PLEKHA5: variants seen among roughly 807,000 people sequenced by gnomAD.
The protein encoded by PLEKHA5 is pleckstrin homology domain-containing family A member 5.
PLEKHA5 carries 55 observed loss-of-function variants against 181.9 expected under a neutral mutation model. The ratio of observed to expected loss-of-function variants is 0.30; its 90% confidence interval spans 0.24 to 0.38. The LOEUF (loss-of-function observed/expected upper bound fraction) is 0.38. Among genes scored for constraint, PLEKHA5 ranks in the 10% least tolerant of loss-of-function variants. The pLI is 1.00. For synonymous variants in PLEKHA5, 535 were observed against 529.4 expected, an observed-to-expected ratio of 1.01 and a Z score of -0.15; for missense variants, 1,432 against 1,549.5, an observed-to-expected ratio of 0.92 and a Z score of 1.27.
chr12:19,276,053 C>A (rs1592288668), intron 11 of PLEKHA5, among the ~76,000 whole-genome samples: 1 of 152,242 alleles, frequency 6.6e-6, no homozygotes, highest in Admixed American at 6.5e-5. Flanking sequence ...TCTAGGAAAA[C>A]CTTTGTAGAG....
chr12:19,261,070 ATATAAGTT>A (rs747561648), intron 7 of PLEKHA5, 49 bp downstream of exon 7: 7 of 990,538 alleles, frequency 7.1e-6, no homozygotes, highest in Non-Finnish European at 1.1e-5. Context: ...TTGATATGTA[ATATAAGTT>A]AAGTATCAGA....
chr12:19,348,627 C>A, intron 25 of PLEKHA5, 108 bp downstream of exon 25: 1 of 725,672 alleles, frequency 1.4e-6, no homozygotes, highest in African/African-American at 1.8e-5. Flanking sequence ...ATGAGTCCAA[C>A]CCTTTATCTG....
intron 3 of PLEKHA5, among the ~76,000 whole-genome samples, chr12:19,252,340 G>A (rs2065563904): frequency 6.6e-6 from 1 of 152,072 alleles, no homozygotes; most frequent in South Asian, 2.1e-4. Flanking sequence ...ATTCAATACA[G>A]ACCTTACAAG....
In PLEKHA5 at chr12:19,270,172, T is replaced by G; in HGVS notation, c.828-16T>G. 1 of 1,431,612 alleles carries G rather than the reference T, an allele frequency of 7.0e-7. No individual in the cohort carries two copies. The highest frequency in any genetic ancestry group is 1.4e-5 in the South Asian group (1 of 73,116). The allele number at this position is 1,431,612 out of a possible 1,614,324, so 88.7% of individuals were successfully genotyped here. A position where few individuals can be genotyped will look rare whatever the true frequency, so the allele number is the denominator to read the frequency against. ...AGAATCCTAACATTCAAACTGAATGTTCTTTCTTCTTACAGAATTACCTTT... is the reference window on the plus strand; with the variant it reads ...AGAATCCTAACATTCAAACTGAATGGTCTTTCTTCTTACAGAATTACCTTT... On this transcript the variant is annotated splice_polypyrimidine_tract_variant and intron_variant, in intron 9 of 31. Coordinates refer to ENST00000429027, the MANE Select transcript of PLEKHA5 (RefSeq NM_001256470.2).
chr12:19,248,360 G>A lies in PLEKHA5; in HGVS notation c.228-5580G>A, dbSNP rs1028318375. Among the ~76,000 whole-genome samples the A allele has an allele frequency of 2.0e-5, 3 of 152,166 alleles. No homozygotes were observed. The East Asian group carries it at 5.8e-4, about 29-fold the overall frequency. ...TTACAGGCGTGTGTCACTATGCCTGGCTAATTTCTGTATTTTTAGTAGAGA... is the reference window on the plus strand; with the variant it reads ...TTACAGGCGTGTGTCACTATGCCTGACTAATTTCTGTATTTTTAGTAGAGA... On this transcript the variant is annotated intron_variant, in intron 3 of 31. Coordinates refer to ENST00000429027, the MANE Select transcript of PLEKHA5 (RefSeq NM_001256470.2).
At chr12:19,311,320 C>A (rs563243937) in intron 15 of PLEKHA5, among the ~76,000 whole-genome samples, 2 of 151,634 alleles carry the variant, frequency 1.3e-5, no homozygotes, top group East Asian at 1.9e-4. Flanking sequence ...TGCCTATAGT[C>A]CCAGCTACTT....
At chr12:19,290,818 CTG>C (rs1565574456) in intron 14 of PLEKHA5, 22 bp downstream of exon 14, 2 of 1,513,742 alleles carry the variant, frequency 1.3e-6, no homozygotes, top group Non-Finnish European at 1.8e-6. Flanking sequence ...AGAGATTTGT[CTG>C]TGTCGTCTGC....
At chr12:19,211,429 C>A (rs1418664404) in intron 3 of PLEKHA5, among the ~76,000 whole-genome samples, 1 of 152,024 alleles carries the variant, frequency 6.6e-6, no homozygotes, top group African/African-American at 2.4e-5. Context: ...TTTCAGAGAG[C>A]AGCGTGACTC....
intron 15 of PLEKHA5, among the ~76,000 whole-genome samples, chr12:19,311,262 C>CAA (rs112913366): frequency 4.1e-4 from 41 of 98,966 alleles, no homozygotes; most frequent in South Asian, 1.2e-3. Flanking sequence ...CCTGTCTCTG[C>CAA]AAAAAAAAAA....
At chr12:19,337,754 C>G (rs2093564654) in intron 21 of PLEKHA5, among the ~76,000 whole-genome samples, 1 of 151,926 alleles carries the variant, frequency 6.6e-6, no homozygotes, top group Non-Finnish European at 1.5e-5. Flanking sequence ...CAAGACCAAC[C>G]AGCCTGACCA....
intron 3 of PLEKHA5, among the ~76,000 whole-genome samples, chr12:19,209,087 G>A (rs2056363239): frequency 6.6e-6 from 1 of 152,114 alleles, no homozygotes; most frequent in African/African-American, 2.4e-5. Context: ...ATGTGTTATA[G>A]CAAGTCTGAA....
intron 3 of PLEKHA5, among the ~76,000 whole-genome samples, chr12:19,136,404 T>C (rs2035662259): frequency 6.6e-6 from 1 of 152,200 alleles, no homozygotes; most frequent in Admixed American, 6.6e-5. Flanking sequence ...ATTTTATAAC[T>C]TGTAAAGTGT....
intron 3 of PLEKHA5, 66 bp downstream of exon 3, chr12:19,132,516 T>C: frequency 3.8e-6 from 3 of 788,724 alleles, no homozygotes; most frequent in Non-Finnish European, 6.7e-6. Context: ...CTCAGCTGAA[T>C]AGTTGTATGT....
At chr12:19,132,222 A>G (rs577382253) in intron 2 of PLEKHA5, among the ~76,000 whole-genome samples, 171 bp from the exon 3 acceptor site, 1 of 152,262 alleles carries the variant, frequency 6.6e-6, no homozygotes, top group East Asian at 1.9e-4. Flanking sequence ...CTAAATTTGA[A>G]TTGCTGTTTT....
At chr12:19,159,975 G>A (rs548043036) in intron 3 of PLEKHA5, among the ~76,000 whole-genome samples, 2 of 152,026 alleles carry the variant, frequency 1.3e-5, no homozygotes, top group African/African-American at 2.4e-5. Context: ...TTTGTGGATG[G>A]TGGAATTAAG....
intron 15 of PLEKHA5, among the ~76,000 whole-genome samples, chr12:19,303,066 C>T (rs577317849): frequency 2.0e-5 from 3 of 151,508 alleles, no homozygotes; most frequent in Admixed American, 6.6e-5. Context: ...AGACTACAGG[C>T]GCACACCACC....
chr12:19,292,160 C>G (rs1037093698), intron 15 of PLEKHA5, among the ~76,000 whole-genome samples: 2 of 152,172 alleles, frequency 1.3e-5, no homozygotes, highest in Non-Finnish European at 2.9e-5. Flanking sequence ...AATCCCAGCA[C>G]TTTGGGAGGC....
intron 3 of PLEKHA5, among the ~76,000 whole-genome samples, chr12:19,216,495 T>C (rs1484678227): frequency 2.0e-5 from 3 of 152,018 alleles, no homozygotes; most frequent in Non-Finnish European, 4.4e-5. Flanking sequence ...AAACCCCATC[T>C]CTACTAAAAA....
chr12:19,202,692 G>A (rs538605522), intron 3 of PLEKHA5, among the ~76,000 whole-genome samples: 38 of 152,220 alleles, frequency 2.5e-4, no homozygotes, highest in African/African-American at 9.1e-4. Context: ...TGGTCTCTGG[G>A]TGATAATGAT....
Sources: gnomAD v4.1 joint callset for allele counts (sites outside exome capture counted in the v4.1 genomes callset) on GRCh38, gnomAD v4.1.1 for gene constraint, MANE v1.5 for transcripts, NCBI Gene and HGNC (gene_info 2026-07-23, HGNC 2026-07-21) for gene names.